Variants in FCHSD2 observed in about 807,000 individuals in gnomAD.
The protein encoded by FCHSD2 is F-BAR and double SH3 domains protein 2.
In FCHSD2, 38 loss-of-function variants were observed where a neutral mutation model predicts 108.1. That is an observed-to-expected ratio of 0.35 (90% confidence interval 0.27 to 0.46). FCHSD2 has a LOEUF of 0.46. Ranked by LOEUF, FCHSD2 falls within the 20% of genes least tolerant of loss-of-function variation. FCHSD2 has a pLI of 1.00. For synonymous variants in FCHSD2, 279 were observed against 314.7 expected, an observed-to-expected ratio of 0.89 and a Z score of 1.20; for missense variants, 751 against 897.8, an observed-to-expected ratio of 0.84 and a Z score of 2.09.
chr11:72,865,638 A>G (rs1854703817), intron 13 of FCHSD2, among the ~76,000 whole-genome samples: 1 of 151,936 alleles, frequency 6.6e-6, no homozygotes. Context: ...TTCAAAGACT[A>G]TCTCAAATGA....
At chr11:72,923,847 G>A (rs1856021784) in intron 8 of FCHSD2, among the ~76,000 whole-genome samples, 1 of 152,172 alleles carries the variant, frequency 6.6e-6, no homozygotes, top group South Asian at 2.1e-4. Context: ...GCTGAGGCAG[G>A]AGAACTGCTT....
intron 3 of FCHSD2, among the ~76,000 whole-genome samples, chr11:73,032,054 T>C (rs1402626459): frequency 6.6e-6 from 1 of 152,188 alleles, no homozygotes; most frequent in Non-Finnish European, 1.5e-5. Context: ...GAGAATGTGC[T>C]ATATAGTCTC....
chr11:73,058,329 C>A (rs1332778953), intron 3 of FCHSD2, among the ~76,000 whole-genome samples: 2 of 152,096 alleles, frequency 1.3e-5, no homozygotes, highest in Non-Finnish European at 2.9e-5. Flanking sequence ...AGTATATATA[C>A]CAATATTCTA....
chr11:73,105,268 G>A (rs1417256528), intron 2 of FCHSD2, among the ~76,000 whole-genome samples: 2 of 152,110 alleles, frequency 1.3e-5, no homozygotes, highest in South Asian at 2.1e-4. Context: ...TATAAAAGGT[G>A]GTGATAAAAA....
At chr11:73,077,219 AAAC>A (rs1859579227) in intron 3 of FCHSD2, among the ~76,000 whole-genome samples, 1 of 152,046 alleles carries the variant, frequency 6.6e-6, no homozygotes, top group Non-Finnish European at 1.5e-5. Flanking sequence ...TTAAGAAACC[AAAC>A]AACCCAATTT....
chr11:72,968,417 G>A (rs1317733392), intron 8 of FCHSD2, among the ~76,000 whole-genome samples: 1 of 152,158 alleles, frequency 6.6e-6, no homozygotes, highest in Non-Finnish European at 1.5e-5. Context: ...TTTTTCAGAT[G>A]TGCTATCTTA....
At chr11:72,932,287 A>G (rs574896162) in intron 8 of FCHSD2, among the ~76,000 whole-genome samples, 48 of 151,848 alleles carry the variant, frequency 3.2e-4, no homozygotes, top group African/African-American at 1.2e-3. Flanking sequence ...CCTGCATCCA[A>G]CTCTCCCTCT....
intron 13 of FCHSD2, among the ~76,000 whole-genome samples, chr11:72,852,450 C>T (rs1861316387): frequency 6.6e-6 from 1 of 152,126 alleles, no homozygotes; most frequent in Admixed American, 6.5e-5. Context: ...GTAATCCCAG[C>T]ACTTTGGAAG....
At chr11:72,851,428 T>C (rs1038830592) in intron 13 of FCHSD2, among the ~76,000 whole-genome samples, 4 of 152,096 alleles carry the variant, frequency 2.6e-5, no homozygotes, top group African/African-American at 9.7e-5. Context: ...ATATTATAGA[T>C]TAATAACACT....
intron 8 of FCHSD2, among the ~76,000 whole-genome samples, chr11:72,979,823 A>C (rs139844164): frequency 6.6e-5 from 10 of 152,344 alleles, no homozygotes; most frequent in Admixed American, 3.3e-4. Context: ...ATATAGGAAG[A>C]TCTCAGGATA....
At chr11:73,099,333 C>A (rs190756842) in intron 2 of FCHSD2, among the ~76,000 whole-genome samples, 1 of 152,178 alleles carries the variant, frequency 6.6e-6, no homozygotes, top group Non-Finnish European at 1.5e-5. Context: ...GAAATTAGAA[C>A]CCTCATGCAT....
intron 11 of FCHSD2, among the ~76,000 whole-genome samples, chr11:72,888,634 T>C (rs1038371628): frequency 1.1e-4 from 17 of 152,014 alleles, no homozygotes; most frequent in African/African-American, 4.1e-4. Context: ...TTTTTTTTTT[T>C]TGGAGACAGG....
intron 3 of FCHSD2, among the ~76,000 whole-genome samples, chr11:73,018,762 T>C (rs1230502345): frequency 2.0e-5 from 3 of 152,184 alleles, no homozygotes; most frequent in Non-Finnish European, 4.4e-5. Context: ...ATTTCTGAGA[T>C]TATGACCAGG....
chr11:72,897,711 T>C (rs1855451524), intron 10 of FCHSD2, among the ~76,000 whole-genome samples: 1 of 152,194 alleles, frequency 6.6e-6, no homozygotes, highest in African/African-American at 2.4e-5. Context: ...CCTGTATGAA[T>C]CACTAACCCC....
At chr11:72,919,217 C>G (rs896034236) in intron 9 of FCHSD2, among the ~76,000 whole-genome samples, 1 of 152,128 alleles carries the variant, frequency 6.6e-6, no homozygotes, top group Non-Finnish European at 1.5e-5. Flanking sequence ...CAGAAAAACA[C>G]ATGGCATAAA....
chr11:72,991,364 A>C (rs915789887), intron 5 of FCHSD2, among the ~76,000 whole-genome samples: 28 of 152,234 alleles, frequency 1.8e-4, no homozygotes, highest in African/African-American at 6.3e-4. Flanking sequence ...TCATTTTATG[A>C]GGCCAGCATC....
chr11:73,079,346 G>A (rs1023622841), intron 3 of FCHSD2, among the ~76,000 whole-genome samples: 2 of 151,718 alleles, frequency 1.3e-5, no homozygotes, highest in South Asian at 2.1e-4. Context: ...ACAGGTACCC[G>A]CCACGACGCC....
At chr11:72,878,546 G>C (rs995018713) in intron 12 of FCHSD2, among the ~76,000 whole-genome samples, 13 of 152,182 alleles carry the variant, frequency 8.5e-5, no homozygotes, top group Non-Finnish European at 1.5e-4. Context: ...CACTGTGATA[G>C]CTTGTTTTAC....
intron 8 of FCHSD2, among the ~76,000 whole-genome samples, chr11:72,956,866 A>C (rs998661641): frequency 4.0e-5 from 6 of 151,480 alleles, no homozygotes; most frequent in Admixed American, 3.3e-4. Flanking sequence ...CAAATTGACT[A>C]GGTGACCAAT....
Sources: gnomAD v4.1 joint callset for allele counts (sites outside exome capture counted in the v4.1 genomes callset) on GRCh38, gnomAD v4.1.1 for gene constraint, MANE v1.5 for transcripts, NCBI Gene and HGNC (gene_info 2026-07-23, HGNC 2026-07-21) for gene names.